The following HTR2C variants were observed in gnomAD, a reference collection of about 807,000 sequenced individuals.
HTR2C encodes 5-hydroxytryptamine (serotonin) receptor 2C, G protein-coupled.
HTR2C carries 5 observed loss-of-function variants against 21.0 expected under a neutral mutation model. That is an observed-to-expected ratio of 0.24 (90% confidence interval 0.12 to 0.50). The LOEUF is 0.50. Ranked by LOEUF, HTR2C falls within the 20% of genes least tolerant of loss-of-function variation. The probability of loss-of-function intolerance (pLI) is 0.98; values close to 1 mark genes in which losing one functional copy is unlikely to be tolerated. For missense variants in HTR2C, 271 were observed against 371.2 expected, an observed-to-expected ratio of 0.73 and a Z score of 2.22; for synonymous variants, 150 against 145.3, an observed-to-expected ratio of 1.03 and a Z score of -0.23.
chrX:114,592,588 AAAT>A (rs1489634571), intron 1 of HTR2C, among the ~76,000 whole-genome samples: 2 of 112,280 alleles, frequency 1.8e-5, no homozygotes, highest in African/African-American at 6.5e-5. Flanking sequence ...ATGATAATTG[AAAT>A]AATGCTTGTC....
chrX:114,683,717 C>A (rs1602685555), intron 2 of HTR2C, among the ~76,000 whole-genome samples: 1 of 111,523 alleles, frequency 9.0e-6, no homozygotes, highest in South Asian at 3.8e-4. Flanking sequence ...ATCGCTTGAA[C>A]CCTGGAGGCA....
rs1465635992 is a variant in HTR2C at position 114,791,562 on chromosome X, A to G, written c.350-56441A>G. ...CAAGTTTATAACTATTTAATTCAAA[A>G]CTATAAGCAGGAAAATGGAATAGCT... On this transcript the variant is annotated intron_variant, in intron 4 of 5. Coordinates refer to ENST00000276198, the MANE Select transcript of HTR2C (RefSeq NM_000868.4). 4.5e-5 allele frequency among the ~76,000 whole-genome samples: 5 copies of G among 111,610 alleles called. No homozygotes were observed. The Admixed American group carries it at 4.8e-4, about 11-fold the overall frequency.
intron 4 of HTR2C, among the ~76,000 whole-genome samples, chrX:114,806,850 A>C (rs1318962724): frequency 3.9e-5 from 4 of 101,526 alleles, no homozygotes; most frequent in Middle Eastern, 0.016. Context: ...TATACACCAT[A>C]TATATACCGT....
At chrX:114,659,320 T>C (rs1602669604) in intron 2 of HTR2C, among the ~76,000 whole-genome samples, 1 of 111,160 alleles carries the variant, frequency 9.0e-6, no homozygotes, top group East Asian at 2.8e-4. Flanking sequence ...TAATGTAGCA[T>C]CATAGAAGAA....
At chrX:114,752,229 A>G (rs782458596) in intron 4 of HTR2C, among the ~76,000 whole-genome samples, 3 of 112,215 alleles carry the variant, frequency 2.7e-5, no homozygotes, top group Non-Finnish European at 5.6e-5. Flanking sequence ...AATACCTTAG[A>G]CAGCACATGT....
intron 2 of HTR2C, among the ~76,000 whole-genome samples, chrX:114,623,017 T>TA (rs1324079677): frequency 6.3e-5 from 7 of 110,741 alleles, no homozygotes; most frequent in Non-Finnish European, 1.3e-4. Context: ...TAATAGGGTT[T>TA]AAAAAAAAAT....
chrX:114,663,864 G>A (rs1463365817), intron 2 of HTR2C, among the ~76,000 whole-genome samples: 6 of 111,499 alleles, frequency 5.4e-5, no homozygotes, highest in African/African-American at 9.8e-5. Context: ...AGGCAATCTC[G>A]TAATGTGTTA....
chrX:114,648,722 G>C (rs1277171013), intron 2 of HTR2C, among the ~76,000 whole-genome samples: 1 of 111,538 alleles, frequency 9.0e-6, no homozygotes, highest in Admixed American at 9.5e-5. Context: ...GTGAGACCTT[G>C]TCTCAAAAAA....
At chrX:114,727,402 G>A (rs1263279809) in intron 3 of HTR2C, among the ~76,000 whole-genome samples, 2 of 111,618 alleles carry the variant, frequency 1.8e-5, no homozygotes, top group Non-Finnish European at 3.8e-5. Context: ...AGGGCTTGGC[G>A]ATGTAGCTGG....
chrX:114,839,225 C>T (rs1447317966), intron 4 of HTR2C, among the ~76,000 whole-genome samples: 1 of 111,888 alleles, frequency 8.9e-6, no homozygotes, highest in African/African-American at 3.2e-5. Context: ...ACACAAAGAA[C>T]AACTACCTTA....
intron 5 of HTR2C, among the ~76,000 whole-genome samples, chrX:114,889,770 A>G (rs1398067124): frequency 9.0e-6 from 1 of 111,430 alleles, no homozygotes; most frequent in African/African-American, 3.3e-5. Flanking sequence ...AAATAATGAC[A>G]ATTTTTTAGG....
intron 4 of HTR2C, among the ~76,000 whole-genome samples, chrX:114,807,561 G>T (rs2070489544): frequency 9.5e-6 from 1 of 105,479 alleles, no homozygotes; most frequent in Admixed American, 1.0e-4. Context: ...TTTTGATACA[G>T]ACATACAATG....
At chrX:114,600,361 T>C (rs138910305) in intron 1 of HTR2C, among the ~76,000 whole-genome samples, 41 of 112,216 alleles carry the variant, frequency 3.7e-4, no homozygotes, top group Middle Eastern at 4.6e-3. Context: ...TCATTTTTCA[T>C]TTACAATGTT....
chrX:114,808,276 A>G (rs1475567824), intron 4 of HTR2C, among the ~76,000 whole-genome samples: 2 of 111,473 alleles, frequency 1.8e-5, no homozygotes, highest in Non-Finnish European at 3.8e-5. Flanking sequence ...CCCCAGTTCC[A>G]TCCATGTTGT....
At position 114,881,625 on chromosome X, in the gene HTR2C, ACT is replaced by A. The variant is rs781927869; in HGVS notation, c.551-24961_551-24960del. On this transcript the variant is annotated intron_variant, in intron 5 of 5. Transcript: ENST00000276198. ...ATTTCCTTCACTGAATTGTCTTGAC[ACT>A]CTGTTGAAAATCAGTTACATAGAAA... Among the ~76,000 whole-genome samples the A allele has an allele frequency of 5.2e-4, 57 of 109,497 alleles. No homozygotes were observed. In the East Asian group the frequency reaches 5.7e-3, roughly 11 times the overall value.
At position 114,763,722 on chromosome X, in the gene HTR2C, C is replaced by CT. The variant is rs1287811689; in HGVS notation, c.349+32120dup. On this transcript the variant is annotated intron_variant, in intron 4 of 5. Transcript: ENST00000276198. ...CCTAGCATCTACTCCTATATCTGGT[C>CT]TTTTTCTTTTTAATGGATAGATGAA... Among the ~76,000 whole-genome samples, 34 of 107,420 alleles carry CT rather than the reference C, an allele frequency of 3.2e-4. 1 individual carries two copies. The highest frequency in any genetic ancestry group is 1.2e-3 in the South Asian group (3 of 2,428). The allele number at this position is 107,420 out of a possible 115,157, so 93.3% of individuals were successfully genotyped here.
At chrX:114,745,975 G>A (rs924614040) in intron 4 of HTR2C, among the ~76,000 whole-genome samples, 1 of 112,133 alleles carries the variant, frequency 8.9e-6, no homozygotes, top group African/African-American at 3.2e-5. Context: ...TGGATTGTTT[G>A]TAAGTCAATG....
chrX:114,629,152 A>G (rs1556403627), intron 2 of HTR2C, among the ~76,000 whole-genome samples: 1 of 111,962 alleles, frequency 8.9e-6, no homozygotes, highest in African/African-American at 3.2e-5. Context: ...TTGGAAAAAC[A>G]GAAACGGGTT....
chrX:114,703,156 C>G (rs1442708226), intron 2 of HTR2C, among the ~76,000 whole-genome samples: 1 of 107,828 alleles, frequency 9.3e-6, no homozygotes, highest in African/African-American at 3.4e-5. Flanking sequence ...ATCAACAAGA[C>G]AGAAAGTTAA....
Sources: gnomAD v4.1 joint callset for allele counts (sites outside exome capture counted in the v4.1 genomes callset) on GRCh38, gnomAD v4.1.1 for gene constraint, MANE v1.5 for transcripts, NCBI Gene and HGNC (gene_info 2026-07-23, HGNC 2026-07-21) for gene names.